The following LRRIQ3 variants were observed in gnomAD, a reference collection of about 807,000 sequenced individuals.
LRRIQ3 encodes the protein leucine rich repeats and IQ motif containing 3.
Under a neutral mutation model 59.3 loss-of-function variants are expected in LRRIQ3, and 75 were observed. That is an observed-to-expected ratio of 1.26 (90% CI 1.05 to 1.53). The LOEUF (loss-of-function observed/expected upper bound fraction) is 1.53. LRRIQ3 is among the 40% of genes most tolerant of loss of function. The probability of loss-of-function intolerance (pLI) is 0.00; values close to 1 mark genes in which losing one functional copy is unlikely to be tolerated. For synonymous variants in LRRIQ3, 250 were observed against 231.3 expected (o/e 1.08, Z -0.73); for missense variants, 831 against 710.0 (o/e 1.17, Z -1.94).
chr1:74,096,029 T>C (rs1229138394), intron 5 of LRRIQ3, among the ~76,000 whole-genome samples: 1 of 151,976 alleles, frequency 6.6e-6, no homozygotes, highest in Non-Finnish European at 1.5e-5. Context: ...TTATTTAAAA[T>C]AACAATAAGA....
chr1:74,143,025 A>C (rs977701724), intron 4 of LRRIQ3, among the ~76,000 whole-genome samples: 5 of 152,094 alleles, frequency 3.3e-5, no homozygotes, highest in Non-Finnish European at 7.4e-5. Flanking sequence ...TGAAAAATGG[A>C]AAACTGCTTT....
chr1:74,101,301 T>C (rs1646528988), intron 5 of LRRIQ3, among the ~76,000 whole-genome samples: 2 of 152,034 alleles, frequency 1.3e-5, no homozygotes, highest in Admixed American at 1.3e-4. Flanking sequence ...AATAGACACA[T>C]GAAAAAATGC....
At chr1:74,114,198 TA>T (rs1646745117) in intron 4 of LRRIQ3, among the ~76,000 whole-genome samples, 1 of 151,482 alleles carries the variant, frequency 6.6e-6, no homozygotes, top group Non-Finnish European at 1.5e-5. Context: ...AATAGAAATA[TA>T]ATATAACAAA....
In LRRIQ3 at chr1:74,153,093, C is replaced by T. The variant is rs942450696; in HGVS notation, c.707+2640G>A. On this transcript the variant is annotated intron_variant, in intron 4 of 7. Transcript: ENST00000354431. Reference sequence around the variant, plus strand: ...ATAAATTTTGTTTCCTATATTTTTTCCATTCTTTTTCCTTTTTTACAACCC... The same window carrying T: ...ATAAATTTTGTTTCCTATATTTTTTTCATTCTTTTTCCTTTTTTACAACCC... Among the ~76,000 whole-genome samples, 3 of 152,042 alleles carry T rather than the reference C, an allele frequency of 2.0e-5. No individual in the cohort carries two copies. The East Asian group carries it at 5.8e-4, about 29-fold the overall frequency.
chr1:74,044,430 TC>T (rs1001094903), intron 6 of LRRIQ3, among the ~76,000 whole-genome samples: 1 of 151,998 alleles, frequency 6.6e-6, no homozygotes, highest in African/African-American at 2.4e-5. Context: ...ACCTCTGTCT[TC>T]ATGTGATATG....
chr1:74,127,011 G>A (rs1646944837), intron 4 of LRRIQ3, among the ~76,000 whole-genome samples: 2 of 151,716 alleles, frequency 1.3e-5, no homozygotes, highest in South Asian at 4.1e-4. Flanking sequence ...AATAATATTT[G>A]CTTTATATAT....
intron 5 of LRRIQ3, among the ~76,000 whole-genome samples, chr1:74,094,435 T>A (rs1179869724): frequency 6.6e-6 from 1 of 151,958 alleles, no homozygotes; most frequent in Non-Finnish European, 1.5e-5. Flanking sequence ...AGCAAGAGGT[T>A]AGGGTGATGT....
intron 4 of LRRIQ3, among the ~76,000 whole-genome samples, chr1:74,130,108 T>C (rs1646990828): frequency 6.6e-6 from 1 of 152,032 alleles, no homozygotes; most frequent in Admixed American, 6.6e-5. Context: ...CTCTGGCATC[T>C]CATTTGGTTA....
chr1:74,124,906 A>G (rs1052829493), intron 4 of LRRIQ3, among the ~76,000 whole-genome samples: 11 of 151,752 alleles, frequency 7.2e-5, no homozygotes, highest in African/African-American at 2.7e-4. Flanking sequence ...AATGTCATTG[A>G]TATTTTGGTA....
intron 1 of LRRIQ3, among the ~76,000 whole-genome samples, 188 bp downstream of exon 1, chr1:74,197,808 T>C (rs763303473): frequency 4.0e-5 from 6 of 151,550 alleles, no homozygotes; most frequent in Admixed American, 3.9e-4. Flanking sequence ...TGGCCCGGGG[T>C]GGCGGGGGAA....
At chr1:74,133,650 G>A (rs1647067004) in intron 4 of LRRIQ3, among the ~76,000 whole-genome samples, 2 of 151,224 alleles carry the variant, frequency 1.3e-5, no homozygotes, top group Non-Finnish European at 2.9e-5. Context: ...CTCATAGGTG[G>A]GAATTGAACA....
chr1:74,121,103 T>TTTA (rs1470524255), intron 4 of LRRIQ3, among the ~76,000 whole-genome samples: 2 of 152,174 alleles, frequency 1.3e-5, no homozygotes, highest in African/African-American at 4.8e-5. Context: ...AACAATATTA[T>TTTA]AGTCTTGTTC....
intron 3 of LRRIQ3, among the ~76,000 whole-genome samples, chr1:74,161,038 A>G (rs1648630052): frequency 6.6e-6 from 1 of 152,038 alleles, no homozygotes; most frequent in South Asian, 2.1e-4. Context: ...AACAACAGAA[A>G]CTTATTTCTA....
intron 4 of LRRIQ3, among the ~76,000 whole-genome samples, chr1:74,132,434 T>C (rs1486546228): frequency 1.3e-5 from 2 of 152,118 alleles, no homozygotes; most frequent in East Asian, 1.9e-4. Context: ...AGAACAAAGC[T>C]GGAGGCGTCG....
chr1:74,191,554 C>G (rs1166015671), intron 1 of LRRIQ3, among the ~76,000 whole-genome samples: 2 of 151,892 alleles, frequency 1.3e-5, no homozygotes, highest in Non-Finnish European at 2.9e-5. Context: ...ATAAAACATG[C>G]CTTATCAAAT....
At chr1:74,092,719 G>A (rs550111045) in intron 5 of LRRIQ3, among the ~76,000 whole-genome samples, 1 of 152,160 alleles carries the variant, frequency 6.6e-6, no homozygotes, top group Non-Finnish European at 1.5e-5. Flanking sequence ...GATAAGGCAG[G>A]TACTCTTTGA....
At chr1:74,128,482 G>T (rs2100603598) in intron 4 of LRRIQ3, among the ~76,000 whole-genome samples, 1 of 152,100 alleles carries the variant, frequency 6.6e-6, no homozygotes, top group East Asian at 1.9e-4. Context: ...GATCTCATAG[G>T]ATTCTGGACT....
At chr1:74,048,207 C>A (rs1484612516) in intron 6 of LRRIQ3, among the ~76,000 whole-genome samples, 1 of 152,160 alleles carries the variant, frequency 6.6e-6, no homozygotes, top group Non-Finnish European at 1.5e-5. Flanking sequence ...AGTTGCCCAA[C>A]TGGTATGCTG....
intron 5 of LRRIQ3, among the ~76,000 whole-genome samples, chr1:74,081,168 G>C (rs1309373379): frequency 1.3e-5 from 2 of 151,502 alleles, no homozygotes; most frequent in Admixed American, 6.6e-5. Context: ...ATACGCAGGA[G>C]AGAATCCAAA....
Sources: allele counts gnomAD v4.1 joint callset (sites outside exome capture counted in the v4.1 genomes callset), GRCh38; gene constraint gnomAD v4.1.1; transcripts MANE v1.5; gene names NCBI Gene and HGNC (gene_info 2026-07-23, HGNC 2026-07-21).